The following PHACTR1 variants were observed in gnomAD, a reference collection of about 807,000 sequenced individuals.
The protein encoded by PHACTR1 is phosphatase and actin regulator 1.
A neutral mutation model predicts 69.2 loss-of-function variants in PHACTR1; 16 were observed. The observed-to-expected ratio is 0.23, with a 90% CI of 0.16 to 0.35. The LOEUF (loss-of-function observed/expected upper bound fraction) is 0.35, where lower values mean the gene tolerates loss of function less well. Among genes scored for constraint, PHACTR1 ranks in the 10% least tolerant of loss-of-function variants. The pLI, the probability that PHACTR1 is intolerant of heterozygous loss-of-function variation, is 1.00. For missense variants in PHACTR1, 510 were observed against 734.7 expected, an observed-to-expected ratio of 0.69 and a Z score of 3.54; for synonymous variants, 312 against 284.5, an observed-to-expected ratio of 1.10 and a Z score of -0.97.
intron 4 of PHACTR1, among the ~76,000 whole-genome samples, chr6:12,865,319 G>T (rs1470063000): frequency 6.6e-6 from 1 of 152,204 alleles, no homozygotes; most frequent in Non-Finnish European, 1.5e-5. Context: ...CCTTGACAAT[G>T]ATGGTATCAT....
intron 8 of PHACTR1, 55 bp downstream of exon 8, chr6:13,206,191 G>T: frequency 6.8e-7 from 1 of 1,461,872 alleles, no homozygotes; most frequent in African/African-American, 1.4e-5. Context: ...CTGGGGAGGG[G>T]GGCCTAGGGA....
intron 5 of PHACTR1, among the ~76,000 whole-genome samples, chr6:13,133,628 G>A (rs1237804632): frequency 1.3e-5 from 2 of 152,116 alleles, no homozygotes; most frequent in African/African-American, 4.8e-5. Flanking sequence ...GTGCAGTGGC[G>A]TGATCTCGGC....
chr6:12,740,563 T>C (rs978603052), intron 3 of PHACTR1, among the ~76,000 whole-genome samples: 1 of 152,166 alleles, frequency 6.6e-6, no homozygotes, highest in Non-Finnish European at 1.5e-5. Context: ...TTCAAGTTTT[T>C]GGTCCATTTA....
intron 4 of PHACTR1, among the ~76,000 whole-genome samples, chr6:12,969,907 G>A (rs1793974681): frequency 6.6e-6 from 1 of 152,196 alleles, no homozygotes; most frequent in South Asian, 2.1e-4. Flanking sequence ...AGGTTGCAGT[G>A]AGCCGAGATC....
intron 5 of PHACTR1, among the ~76,000 whole-genome samples, chr6:13,154,097 C>G (rs903536425): frequency 6.6e-6 from 1 of 152,074 alleles, no homozygotes; most frequent in Non-Finnish European, 1.5e-5. Context: ...GTTTTATAAC[C>G]AAATGGTTTA....
chr6:13,064,526 C>T (rs1296785158), intron 5 of PHACTR1, among the ~76,000 whole-genome samples: 1 of 109,164 alleles, frequency 9.2e-6, no homozygotes, highest in Non-Finnish European at 1.8e-5. Context: ...TAAATTGCAA[C>T]GGGAAGGGGA....
intron 5 of PHACTR1, among the ~76,000 whole-genome samples, chr6:13,058,411 A>C (rs150554799): frequency 6.6e-6 from 1 of 152,174 alleles, no homozygotes; most frequent in African/African-American, 2.4e-5. Flanking sequence ...CTGCACACCT[A>C]GGGTCTTGGT....
At chr6:12,834,735 A>ATC (rs1561928690) in intron 4 of PHACTR1, among the ~76,000 whole-genome samples, 1 of 152,192 alleles carries the variant, frequency 6.6e-6, no homozygotes, top group Non-Finnish European at 1.5e-5. Flanking sequence ...AACAAAACTC[A>ATC]GAGTGTGTAC....
At chr6:13,116,803 C>T (rs1238631200) in intron 5 of PHACTR1, among the ~76,000 whole-genome samples, 1 of 152,168 alleles carries the variant, frequency 6.6e-6, no homozygotes, top group African/African-American at 2.4e-5. Flanking sequence ...TGAGTGATCT[C>T]ATTTCATCTT....
intron 10 of PHACTR1, among the ~76,000 whole-genome samples, chr6:13,235,741 C>A (rs529330142): frequency 1.0e-3 from 157 of 152,246 alleles, no homozygotes; most frequent in African/African-American, 3.6e-3. Context: ...ACTAAGACTC[C>A]AAAACATGAC....
chr6:13,058,713 G>A (rs537296977), intron 5 of PHACTR1, among the ~76,000 whole-genome samples: 1 of 152,286 alleles, frequency 6.6e-6, no homozygotes, highest in East Asian at 1.9e-4. Context: ...AGAGGTTTGG[G>A]CTAGAGTCTG....
At chr6:13,150,515 C>T (rs1824142576) in intron 5 of PHACTR1, among the ~76,000 whole-genome samples, 1 of 152,098 alleles carries the variant, frequency 6.6e-6, no homozygotes, top group African/African-American at 2.4e-5. Flanking sequence ...ATATGTGGTA[C>T]TCATACAAAT....
intron 4 of PHACTR1, among the ~76,000 whole-genome samples, chr6:12,986,956 T>C (rs545583461): frequency 3.1e-4 from 47 of 152,286 alleles, no homozygotes; most frequent in African/African-American, 9.4e-4. Context: ...CTCAGAGTGG[T>C]TGATTTGTAA....
chr6:12,852,449 A>G (rs1779930412), intron 4 of PHACTR1, among the ~76,000 whole-genome samples: 1 of 152,180 alleles, frequency 6.6e-6, no homozygotes, highest in South Asian at 2.1e-4. Context: ...GAAGTCAGGA[A>G]CCAGATTCTG....
intron 5 of PHACTR1, among the ~76,000 whole-genome samples, chr6:13,108,932 A>G (rs1383220192): frequency 2.0e-5 from 3 of 151,908 alleles, no homozygotes; most frequent in South Asian, 4.2e-4. Flanking sequence ...AGTTTTTTTA[A>G]AAAACATTTT....
intron 10 of PHACTR1, among the ~76,000 whole-genome samples, chr6:13,244,750 C>T (rs1424380974): frequency 6.6e-6 from 1 of 152,214 alleles, no homozygotes; most frequent in African/African-American, 2.4e-5. Flanking sequence ...AAGGTGCCCA[C>T]ATTTCATATT....
At chr6:13,000,367 G>A (rs980903180) in intron 4 of PHACTR1, among the ~76,000 whole-genome samples, 4 of 152,058 alleles carry the variant, frequency 2.6e-5, no homozygotes, top group Non-Finnish European at 5.9e-5. Flanking sequence ...GGGCAACATC[G>A]TGAGACCCCG....
At chr6:12,968,984 TG>T (rs35147932) in intron 4 of PHACTR1, among the ~76,000 whole-genome samples, 63,896 of 151,832 alleles carry the variant, frequency 0.42, 13,977 homozygotes, top group Middle Eastern at 0.52. Context: ...AGGTCTGAAG[TG>T]GGGCTCAAGA....
At chr6:12,835,792 CAT>C in intron 4 of PHACTR1, among the ~76,000 whole-genome samples, 1 of 152,154 alleles carries the variant, frequency 6.6e-6, no homozygotes, top group South Asian at 2.1e-4. Flanking sequence ...AGTTAAGTAA[CAT>C]AAAAAGTTAG....
Sources: gnomAD v4.1 joint callset for allele counts (sites outside exome capture counted in the v4.1 genomes callset) on GRCh38, gnomAD v4.1.1 for gene constraint, MANE v1.5 for transcripts, NCBI Gene and HGNC (gene_info 2026-07-23, HGNC 2026-07-21) for gene names.